Variants in SLC44A5 observed in about 807,000 individuals in gnomAD.
SLC44A5 encodes the protein solute carrier family 44 member 5.
A neutral mutation model predicts 101.8 loss-of-function variants in SLC44A5; 57 were observed. The ratio of observed to expected loss-of-function variants is 0.56; its 90% CI spans 0.45 to 0.70. The LOEUF is 0.70. Among genes scored for constraint, SLC44A5 ranks in the 30% least tolerant of loss-of-function variants. The pLI, the probability that SLC44A5 is intolerant of heterozygous loss-of-function variation, is 0.00. For missense variants in SLC44A5, 737 were observed against 853.1 expected, an observed-to-expected ratio of 0.86 and a Z score of 1.70; for synonymous variants, 281 against 290.9, an observed-to-expected ratio of 0.97 and a Z score of 0.35.
At chr1:75,683,076 G>C in the SLC44A5 span, among the ~76,000 whole-genome samples, 3 of 152,188 alleles carry the variant, frequency 2.0e-5, no homozygotes, top group South Asian at 2.1e-4. Context: ...ACACCAGTTA[G>C]AATGGCAATC....
At chr1:75,223,937 C>T (rs148592939) in intron 13 of SLC44A5, among the ~76,000 whole-genome samples, 93 of 152,218 alleles carry the variant, frequency 6.1e-4, no homozygotes, top group Middle Eastern at 3.4e-3. Context: ...AAAGATAATA[C>T]ATGTAAGAGT....
At chr1:75,716,894 C>T in the SLC44A5 span, among the ~76,000 whole-genome samples, 46 of 151,796 alleles carry the variant, frequency 3.0e-4, no homozygotes, top group Admixed American at 9.2e-4. Flanking sequence ...ATTAGCTGGG[C>T]GTCGTGGCAT....
chr1:75,203,566 CAT>C lies in SLC44A5; in HGVS notation c.*159_*160del. 1 of 669,506 alleles carries C rather than the reference CAT, an allele frequency of 1.5e-6. No homozygotes were observed. The highest frequency in any genetic ancestry group is 1.9e-5 in the African/African-American group (1 of 53,590). 41.5% of individuals were successfully genotyped at this position (669,506 alleles called of 1,614,324 possible). On this transcript the variant is annotated 3_prime_UTR_variant, in exon 24 of 24. Coordinates refer to ENST00000370859, the MANE Select transcript of SLC44A5 (RefSeq NM_001130058.2). ...TCCCTTGCGACTTCTGATGGCTTCA[CAT>C]AGTACAGTATAAGCTTTGGTATAAA...
intron 2 of SLC44A5, among the ~76,000 whole-genome samples, chr1:75,477,902 C>T (rs372918881): frequency 4.6e-5 from 7 of 151,596 alleles, no homozygotes; most frequent in South Asian, 4.2e-4. Flanking sequence ...ATACAGAGAA[C>T]GCCACAAAGA....
At chr1:75,502,390 T>C (rs1669008187) in intron 2 of SLC44A5, among the ~76,000 whole-genome samples, 2 of 152,138 alleles carry the variant, frequency 1.3e-5, no homozygotes, top group South Asian at 2.1e-4. Flanking sequence ...TGGCAGCATG[T>C]TTTTAGCCAG....
intron 3 of SLC44A5, among the ~76,000 whole-genome samples, chr1:75,375,270 A>G (rs1660501308): frequency 6.6e-6 from 1 of 152,240 alleles, no homozygotes; most frequent in Admixed American, 6.5e-5. Flanking sequence ...GAGCTTGAAG[A>G]TCAGTCTTCC....
chr1:75,330,170 T>TATATATGCATATATATACGG lies in SLC44A5; in HGVS notation c.101+9411_101+9412insCCGTATATATATGCATATAT, dbSNP rs1491544410. ...ATATACGTATATGCATATATATACG[T>TATATATGCATATATATACGG]ATATATGCATATATATACGTATATG... On this transcript the variant is annotated intron_variant, in intron 4 of 23. Transcript: ENST00000370859. Among the ~76,000 whole-genome samples, 145 of 123,140 alleles carry TATATATGCATATATATACGG rather than the reference T, an allele frequency of 1.2e-3. 3 individuals are homozygous for TATATATGCATATATATACGG. In the South Asian group the frequency reaches 0.037, roughly 32 times the overall value. 80.8% of individuals were successfully genotyped at this position (123,140 alleles called of 152,430 possible). A position where few individuals can be genotyped will look rare whatever the true frequency, so the allele number is the denominator to read the frequency against.
At chr1:75,581,321 C>T (rs176996) in intron 1 of SLC44A5, among the ~76,000 whole-genome samples, 26 of 152,070 alleles carry the variant, frequency 1.7e-4, no homozygotes, top group African/African-American at 6.0e-4. Context: ...GAACATGGAG[C>T]CTGTTAAAAT....
intron 4 of SLC44A5, among the ~76,000 whole-genome samples, chr1:75,314,840 G>A (rs906521150): frequency 2.6e-5 from 4 of 152,146 alleles, no homozygotes; most frequent in African/African-American, 9.7e-5. Flanking sequence ...TTCACTAAGA[G>A]TTTTCCTAGA....
intron 6 of SLC44A5, among the ~76,000 whole-genome samples, chr1:75,251,593 T>C (rs1421657173): frequency 2.0e-5 from 3 of 152,160 alleles, no homozygotes; most frequent in Admixed American, 2.0e-4. Flanking sequence ...ATTTAATGGA[T>C]GGTGAAATTT....
intron 6 of SLC44A5, among the ~76,000 whole-genome samples, chr1:75,270,814 T>C (rs1651404526): frequency 6.6e-6 from 1 of 152,196 alleles, no homozygotes; most frequent in Non-Finnish European, 1.5e-5. Context: ...CATGTTTGTA[T>C]TAAGCGAAGC....
At chr1:75,681,250 C>G in the SLC44A5 span, among the ~76,000 whole-genome samples, 112 of 152,288 alleles carry the variant, frequency 7.4e-4, no homozygotes, top group African/African-American at 2.6e-3. Context: ...CTCCCTAACT[C>G]AGTTTATGAG....
At chr1:75,496,225 A>C (rs561349134) in intron 2 of SLC44A5, among the ~76,000 whole-genome samples, 29 of 152,286 alleles carry the variant, frequency 1.9e-4, no homozygotes, top group Admixed American at 5.9e-4. Flanking sequence ...TATCCTAATC[A>C]AAACAAGATG....
chr1:75,620,692 G>T, the SLC44A5 span, among the ~76,000 whole-genome samples: 1 of 151,872 alleles, frequency 6.6e-6, no homozygotes, highest in Non-Finnish European at 1.5e-5. Flanking sequence ...TTTTTTTCTT[G>T]TAGATTTATT....
intron 2 of SLC44A5, among the ~76,000 whole-genome samples, chr1:75,523,677 A>G (rs1005025609): frequency 1.3e-5 from 2 of 152,254 alleles, no homozygotes; most frequent in Admixed American, 6.5e-5. Context: ...CTAGATGTGA[A>G]GGATGTTGCT....
intron 1 of SLC44A5, among the ~76,000 whole-genome samples, chr1:75,553,948 C>T (rs1672080458): frequency 6.6e-6 from 1 of 151,936 alleles, no homozygotes; most frequent in Non-Finnish European, 1.5e-5. Context: ...TGAAGCAGGG[C>T]ACTGTCAGGT....
intron 4 of SLC44A5, among the ~76,000 whole-genome samples, chr1:75,319,550 G>A (rs1394718587): frequency 6.6e-6 from 1 of 152,134 alleles, no homozygotes; most frequent in Non-Finnish European, 1.5e-5. Flanking sequence ...GAAAGAAAAA[G>A]ATCTTAAGTC....
At chr1:75,517,493 C>T (rs558311414) in intron 2 of SLC44A5, among the ~76,000 whole-genome samples, 15 of 151,712 alleles carry the variant, frequency 9.9e-5, no homozygotes, top group African/African-American at 3.6e-4. Flanking sequence ...CCCAAAAAAA[C>T]AAAAGCGGGA....
intron 2 of SLC44A5, among the ~76,000 whole-genome samples, chr1:75,479,516 A>T (rs1667680818): frequency 6.6e-6 from 1 of 152,238 alleles, no homozygotes; most frequent in South Asian, 2.1e-4. Flanking sequence ...AGACTAATGA[A>T]GAAGAAAAGA....
Sources: gnomAD v4.1 joint callset for allele counts (sites outside exome capture counted in the v4.1 genomes callset) on GRCh38, gnomAD v4.1.1 for gene constraint, MANE v1.5 for transcripts, NCBI Gene and HGNC (gene_info 2026-07-23, HGNC 2026-07-21) for gene names.